Variants in OXR1 observed in about 807,000 individuals in gnomAD.
OXR1 encodes the protein oxidation resistance 1.
A neutral mutation model predicts 104.6 loss-of-function variants in OXR1; 41 were observed. The ratio of observed to expected loss-of-function variants is 0.39; its 90% CI spans 0.31 to 0.51. OXR1 has a LOEUF of 0.51. OXR1 is among the 20% of genes least tolerant of loss of function. The pLI is 0.77. For missense variants in OXR1, 955 were observed against 1,031.9 expected, an observed-to-expected ratio of 0.93 and a Z score of 1.02; for synonymous variants, 348 against 348.4, an observed-to-expected ratio of 1.00 and a Z score of 0.01.
chr8:106,611,838 A>C (rs755611744), intron 3 of OXR1, among the ~76,000 whole-genome samples: 4 of 152,196 alleles, frequency 2.6e-5, no homozygotes, highest in African/African-American at 4.8e-5. Context: ...AAATAAAATA[A>C]TGAATTCAGT....
At chr8:106,658,242 G>T in intron 3 of OXR1, 2 of 1,229,664 alleles carry the variant, frequency 1.6e-6, no homozygotes, top group Non-Finnish European at 2.0e-6. Context: ...GGGCTGTGGG[G>T]AGGCGGCGGT....
intron 14 of OXR1, among the ~76,000 whole-genome samples, chr8:106,741,655 A>G (rs1834926723): frequency 6.6e-6 from 1 of 152,148 alleles, no homozygotes; most frequent in Admixed American, 6.5e-5. Context: ...ACTTCAGCCC[A>G]TAACACTGAA....
At chr8:106,285,156 T>C (rs1224008964) in intron 1 of OXR1, among the ~76,000 whole-genome samples, 2 of 152,118 alleles carry the variant, frequency 1.3e-5, no homozygotes, top group Admixed American at 6.6e-5. Context: ...TGTGATGTTC[T>C]AGAAAATTTT....
intron 3 of OXR1, among the ~76,000 whole-genome samples, chr8:106,667,374 T>C (rs190634531): frequency 3.9e-5 from 6 of 152,356 alleles, no homozygotes; most frequent in Admixed American, 3.9e-4. Context: ...TTATTATTTA[T>C]TTATTTTTCT....
chr8:106,731,774 T>G (rs1024860446), intron 11 of OXR1, among the ~76,000 whole-genome samples: 13 of 152,350 alleles, frequency 8.5e-5, no homozygotes, highest in South Asian at 4.1e-4. Flanking sequence ...AAAACCATGA[T>G]GTATTGATTA....
chr8:106,385,600 G>A (rs1240293065), intron 2 of OXR1, among the ~76,000 whole-genome samples: 2 of 152,108 alleles, frequency 1.3e-5, no homozygotes, highest in Non-Finnish European at 2.9e-5. Flanking sequence ...TCTCTTTATA[G>A]ACATAATAAA....
intron 3 of OXR1, among the ~76,000 whole-genome samples, chr8:106,539,198 GCC>G (rs1814769423): frequency 6.6e-6 from 1 of 152,166 alleles, no homozygotes; most frequent in Non-Finnish European, 1.5e-5. Context: ...AAGTGAATAA[GCC>G]ATTTAAACTT....
intron 16 of OXR1, among the ~76,000 whole-genome samples, chr8:106,746,794 G>T (rs770160679): frequency 8.6e-5 from 13 of 150,894 alleles, no homozygotes; most frequent in Non-Finnish European, 1.5e-4. Context: ...ATACCTTTTG[G>T]GGGGGGTATC....
intron 2 of OXR1, among the ~76,000 whole-genome samples, chr8:106,415,266 A>G (rs182265714): frequency 1.3e-5 from 2 of 152,126 alleles, no homozygotes; most frequent in East Asian, 1.9e-4. Context: ...ATCTATTGCC[A>G]TCTGTCTTAT....
At chr8:106,542,409 A>G (rs1426245904) in intron 3 of OXR1, among the ~76,000 whole-genome samples, 2 of 152,166 alleles carry the variant, frequency 1.3e-5, no homozygotes, top group Admixed American at 6.5e-5. Context: ...GGGCAACTCT[A>G]GGAAAATTTG....
chr8:106,354,261 A>T (rs1264412865), intron 1 of OXR1, among the ~76,000 whole-genome samples: 3 of 152,160 alleles, frequency 2.0e-5, no homozygotes, highest in Non-Finnish European at 1.5e-5. Flanking sequence ...TTTATGTGAA[A>T]ATAAAAAGGA....
At chr8:106,632,025 G>A (rs1017411692) in intron 3 of OXR1, among the ~76,000 whole-genome samples, 6 of 152,210 alleles carry the variant, frequency 3.9e-5, no homozygotes, top group Non-Finnish European at 7.4e-5. Flanking sequence ...TAGACAAGGA[G>A]ACCAAAAAGT....
chr8:106,333,285 C>T (rs1427819456), intron 1 of OXR1, among the ~76,000 whole-genome samples: 1 of 151,976 alleles, frequency 6.6e-6, no homozygotes, highest in Non-Finnish European at 1.5e-5. Flanking sequence ...AGTTTCTTAA[C>T]CTTCTAGTCA....
chr8:106,616,913 G>A (rs1465509292), intron 3 of OXR1, among the ~76,000 whole-genome samples: 1 of 152,148 alleles, frequency 6.6e-6, no homozygotes, highest in African/African-American at 2.4e-5. Flanking sequence ...CTCAATGGTT[G>A]TGATCTCTGC....
At chr8:106,622,805 T>G (rs1821833239) in intron 3 of OXR1, among the ~76,000 whole-genome samples, 1 of 152,204 alleles carries the variant, frequency 6.6e-6, no homozygotes. Flanking sequence ...TTTATCTACC[T>G]TATTGGAATA....
intron 2 of OXR1, among the ~76,000 whole-genome samples, chr8:106,506,339 C>A (rs567084405): frequency 6.6e-6 from 1 of 152,150 alleles, no homozygotes; most frequent in South Asian, 2.1e-4. Flanking sequence ...TTTGGCCAGG[C>A]GCGGTGGCTC....
At chr8:106,587,319 A>C (rs574989769) in intron 3 of OXR1, among the ~76,000 whole-genome samples, 10 of 152,064 alleles carry the variant, frequency 6.6e-5, no homozygotes, top group Non-Finnish European at 1.3e-4. Flanking sequence ...GTGGAGATTA[A>C]GGATGTTGGA....
intron 3 of OXR1, among the ~76,000 whole-genome samples, chr8:106,670,534 C>G (rs1826835305): frequency 6.6e-6 from 1 of 151,980 alleles, no homozygotes; most frequent in East Asian, 1.9e-4. Context: ...AGAATTTTGA[C>G]CTGATTAAGA....
At chr8:106,352,456 C>A (rs1586557460) in intron 1 of OXR1, among the ~76,000 whole-genome samples, 1 of 151,978 alleles carries the variant, frequency 6.6e-6, no homozygotes, top group East Asian at 1.9e-4. Context: ...TAGGATTGAC[C>A]CAGAAATTTT....
Sources: allele counts gnomAD v4.1 joint callset (sites outside exome capture counted in the v4.1 genomes callset), GRCh38; gene constraint gnomAD v4.1.1; transcripts MANE v1.5; gene names NCBI Gene and HGNC (gene_info 2026-07-23, HGNC 2026-07-21).